Variants in PCDHGB1 observed in about 807,000 individuals in gnomAD.
PCDHGB1 encodes the protein protocadherin gamma subfamily B, 1, also known as protocadherin gamma-B1.
A neutral mutation model predicts 56.6 loss-of-function variants in PCDHGB1; 34 were observed. The observed-to-expected ratio is 0.60, with a 90% CI of 0.46 to 0.80. The LOEUF (loss-of-function observed/expected upper bound fraction) is 0.80. Among genes scored for constraint, PCDHGB1 ranks in the 30% least tolerant of loss-of-function variants. The pLI, the probability that PCDHGB1 is intolerant of heterozygous loss-of-function variation, is 0.00. For missense variants in PCDHGB1, 1,278 were observed against 1,204.6 expected (o/e 1.06, Z -0.90); for synonymous variants, 561 against 505.9 (o/e 1.11, Z -1.46).
chr5:141,511,118 C>T lies in PCDHGB1; in HGVS notation c.2729C>T (p.Ala910Val), dbSNP rs1352222210. 1.2e-6 allele frequency: 2 copies of T among 1,614,094 alleles called. No individual in the cohort carries two copies. The highest frequency in any genetic ancestry group is 1.7e-6 in the Non-Finnish European group (2 of 1,180,022). The change falls in exon 4 of 4, where the codon GCC (alanine) becomes GTC (valine). Residue 910 changes from alanine to valine, a missense_variant. Coordinates refer to ENST00000523390, the MANE Select transcript of PCDHGB1 (RefSeq NM_018922.3). ...GCAGCTGGCAAGCGGGATGGCAAGG[C>T]CCCAGCAGGTGGCAATGGCAACAAG... is the stretch of plus-strand genomic sequence containing the variant. ...TNAAGKRDGK[A>V]PAGGNGNKKK... is the part of the protein sequence containing the mutation.
In PCDHGB1 at chr5:141,364,376, C is replaced by T. The variant is rs574883395; in HGVS notation, c.2409+11707C>T. 8.9e-6 allele frequency: 14 copies of T among 1,575,320 alleles called. No individual in the cohort carries two copies. The African/African-American group carries it at 1.4e-4, about 15-fold the overall frequency. ...CTGGGGCTGCGGAGAGCTGCTGCTG[C>T]CCTTCATGCTCCTGGGGACGCTGTG... On this transcript the variant is annotated intron_variant, in intron 1 of 3. Transcript: ENST00000523390.
intron 3 of PCDHGB1, among the ~76,000 whole-genome samples, chr5:141,510,354 G>A (rs1311482557): frequency 2.1e-5 from 3 of 146,300 alleles, no homozygotes; most frequent in Non-Finnish European, 4.5e-5. Flanking sequence ...ACTTACTAAC[G>A]GAACTACCGA....
chr5:141,432,378 C>A lies in PCDHGB1; in HGVS notation c.2410-62429C>A. On this transcript the variant is annotated intron_variant, in intron 1 of 3. Coordinates refer to ENST00000523390, the MANE Select transcript of PCDHGB1 (RefSeq NM_018922.3). This position sits in a 1 kb window ranked among gnomAD's most constrained non-coding sequence, Gnocchi z 6.0. ...GTGATGGCGCGGGACAACGGGCACC[C>A]GCCCCTCAGCAGCAACGTGTCGTTG... 6.2e-7 allele frequency: 1 copy of A among 1,614,234 alleles called. No individual in the cohort carries two copies. Among genetic ancestry groups the A allele is most frequent in the South Asian group, 1.1e-5 (1 of 91,082 alleles).
rs186292704 is a variant in PCDHGB1 at position 141,490,783 on chromosome 5, C to T, written c.2410-4024C>T. ...TGTGTATGTCAACCCAGAGGATGGA[C>T]GGATCTTTGCCCAGCGTACCTTTGA... On this transcript the variant is annotated intron_variant, in intron 1 of 3. Transcript: ENST00000523390. The surrounding 1 kb of genome is among the most constrained non-coding windows in gnomAD (Gnocchi z 5.4). The T allele has an allele frequency of 8.1e-6, 13 of 1,614,024 alleles. 1 individual carries two copies. Among genetic ancestry groups the T allele is most frequent in the Middle Eastern group, 3.3e-4 (2 of 6,062 alleles).
chr5:141,485,374 T>A lies in PCDHGB1; in HGVS notation c.2410-9433T>A. Reference sequence around the variant, plus strand: ...TGTCAGCTCGCAGGCTGCAGGTCGCTGGAGAGGTGAACCAAAGACACTTCC... The same window carrying A: ...TGTCAGCTCGCAGGCTGCAGGTCGCAGGAGAGGTGAACCAAAGACACTTCC... On this transcript the variant is annotated intron_variant, in intron 1 of 3. Coordinates refer to ENST00000523390, the MANE Select transcript of PCDHGB1 (RefSeq NM_018922.3). The surrounding 1 kb of genome is among the most constrained non-coding windows in gnomAD (Gnocchi z 5.7). The A allele has an allele frequency of 1.2e-6, 2 of 1,614,082 alleles. No homozygotes were observed. Among genetic ancestry groups the A allele is most frequent in the Non-Finnish European group, 1.7e-6 (2 of 1,179,998 alleles).
intron 1 of PCDHGB1, among the ~76,000 whole-genome samples, chr5:141,425,338 G>A (rs561085111): frequency 6.6e-6 from 1 of 152,290 alleles, no homozygotes; most frequent in African/African-American, 2.4e-5. Flanking sequence ...AAAAGGAAGG[G>A]TTGGCTTTGA....
At chr5:141,482,205 C>T (rs1478729653) in intron 1 of PCDHGB1, among the ~76,000 whole-genome samples, 1 of 151,896 alleles carries the variant, frequency 6.6e-6, no homozygotes, top group Non-Finnish European at 1.5e-5. Context: ...TAAAACAGAC[C>T]AGGTACTTGT....
rs2099413641 is a variant in PCDHGB1, at chr5:141,477,586, T to C, written c.2410-17221T>C. The C allele has an allele frequency of 1.9e-6, 3 of 1,614,022 alleles. No individual in the cohort carries two copies. The highest frequency in any genetic ancestry group is 2.5e-6 in the Non-Finnish European group (3 of 1,180,036). On this transcript the variant is annotated intron_variant, in intron 1 of 3. Transcript: ENST00000523390. This position sits in a 1 kb window ranked among gnomAD's most constrained non-coding sequence, Gnocchi z 4.9. ...GGGACCCCGACGCCCCGCAGAATGC[T>C]CGGCTTTCTTTCTTTCTCTTGGAGC... is the stretch of plus-strand genomic sequence containing the variant.
chr5:141,469,697 T>G (rs2154570403), intron 1 of PCDHGB1, among the ~76,000 whole-genome samples: 1 of 152,392 alleles, frequency 6.6e-6, no homozygotes, highest in African/African-American at 2.4e-5. Context: ...TCCTATGACC[T>G]AGTAATCACA....
intron 1 of PCDHGB1, among the ~76,000 whole-genome samples, chr5:141,425,864 A>T (rs2096899427): frequency 6.6e-6 from 1 of 152,254 alleles, no homozygotes; most frequent in African/African-American, 2.4e-5. Flanking sequence ...TGTTCTATAG[A>T]TTCCCATCTC....
chr5:141,491,800 C>T lies in PCDHGB1; in HGVS notation c.2410-3007C>T. The T allele has an allele frequency of 6.7e-7, 1 of 1,500,854 alleles. No individual in the cohort carries two copies. Among genetic ancestry groups the T allele is most frequent in the Non-Finnish European group, 8.9e-7 (1 of 1,125,316 alleles). 93.0% of individuals were successfully genotyped at this position (1,500,854 alleles called of 1,614,324 possible). A position where few individuals can be genotyped will look rare whatever the true frequency, so the allele number is the denominator to read the frequency against. Reference sequence around the variant, plus strand: ...GAACTTGCATCCACTCCTCTCCGGCCGGCTTGGTCGCTGGCTGCGCTCCAC... The same window carrying T: ...GAACTTGCATCCACTCCTCTCCGGCTGGCTTGGTCGCTGGCTGCGCTCCAC... On this transcript the variant is annotated intron_variant, in intron 1 of 3. Transcript: ENST00000523390. The surrounding 1 kb of genome is among the most constrained non-coding windows in gnomAD (Gnocchi z 6.9).
Position 141,485,210 on chromosome 5 carries a change from C to T in PCDHGB1, c.2410-9597C>T, listed in dbSNP as rs2099609472. 1.2e-6 allele frequency: 2 copies of T among 1,614,058 alleles called. No individual in the cohort carries two copies. The highest frequency in any genetic ancestry group is 1.3e-5 in the African/African-American group (1 of 75,046). ...GGTGAGAAGCTGGACAGAAATCTGG[C>T]GGTGGGCTACCCTTTTGTTCCTCTT... On this transcript the variant is annotated intron_variant, in intron 1 of 3. Coordinates refer to ENST00000523390, the MANE Select transcript of PCDHGB1 (RefSeq NM_018922.3). The surrounding 1 kb of genome is among the most constrained non-coding windows in gnomAD (Gnocchi z 5.7).
At chr5:141,429,925 A>G (rs1009987955) in intron 1 of PCDHGB1, among the ~76,000 whole-genome samples, 5 of 152,244 alleles carry the variant, frequency 3.3e-5, no homozygotes, top group African/African-American at 1.2e-4. Flanking sequence ...TATTAATAGA[A>G]TTCTGGAGTA....
In PCDHGB1 at chr5:141,490,081, T is replaced by A; in HGVS notation, c.2410-4726T>A. Reference sequence around the variant, plus strand: ...CACCAACGGCCAACTAGACTATTCTTTTGGAGACCACACATCTGAGGCAGT... The same window carrying A: ...CACCAACGGCCAACTAGACTATTCTATTGGAGACCACACATCTGAGGCAGT... On this transcript the variant is annotated intron_variant, in intron 1 of 3. Coordinates refer to ENST00000523390, the MANE Select transcript of PCDHGB1 (RefSeq NM_018922.3). The surrounding 1 kb of genome is among the most constrained non-coding windows in gnomAD (Gnocchi z 5.4). 3 of 1,614,216 alleles carry A rather than the reference T, an allele frequency of 1.9e-6. No homozygotes were observed. Among genetic ancestry groups the A allele is most frequent in the Non-Finnish European group, 2.5e-6 (3 of 1,180,040 alleles).
intron 2 of PCDHGB1, 36 bp from the exon 3 acceptor site, chr5:141,505,357 T>A (rs1026098450): frequency 6.2e-7 from 1 of 1,613,762 alleles, no homozygotes; most frequent in African/African-American, 1.3e-5. Context: ...TGTGCCGGCC[T>A]GGGAGTCTGT....
Position 141,352,305 on chromosome 5 carries a change from C to A in PCDHGB1, c.2045C>A (p.Thr682Lys). Reference protein sequence around the residue: ...SDRPEPSDPQTELQFYLVVAL... With the variant: ...SDRPEPSDPQKELQFYLVVAL... ...CGCCCTGAGCCCTCTGACCCCCAGA[C>A]GGAACTGCAGTTTTACCTGGTTGTG... is the stretch of plus-strand genomic sequence containing the variant. The change falls in exon 1 of 4, where the codon ACG (threonine) becomes AAG (lysine). Residue 682 changes from threonine (T) to lysine (K), a missense_variant. Coordinates refer to ENST00000523390, the MANE Select transcript of PCDHGB1 (RefSeq NM_018922.3). The A allele has an allele frequency of 1.9e-6, 3 of 1,614,070 alleles. No homozygotes were observed. The highest frequency in any genetic ancestry group is 2.2e-5 in the East Asian group (1 of 44,878).
intron 1 of PCDHGB1, among the ~76,000 whole-genome samples, chr5:141,461,046 G>A (rs984653754): frequency 6.6e-6 from 1 of 151,578 alleles, no homozygotes; most frequent in Non-Finnish European, 1.5e-5. Context: ...AGTCGATGGG[G>A]ACTTAGGTTG....
Position 141,432,581 on chromosome 5 carries a change from C to T in PCDHGB1, c.2410-62226C>T. 6.2e-7 allele frequency: 1 copy of T among 1,613,930 alleles called. No homozygotes were observed. The highest frequency in any genetic ancestry group is 8.5e-7 in the Non-Finnish European group (1 of 1,179,974). On this transcript the variant is annotated intron_variant, in intron 1 of 3. Coordinates refer to ENST00000523390, the MANE Select transcript of PCDHGB1 (RefSeq NM_018922.3). The surrounding 1 kb of genome is among the most constrained non-coding windows in gnomAD (Gnocchi z 6.0). ...CCAGAACGCCTGGCTGTCCTACCGT[C>T]TGCTCAAGGCCAGCGAGCCGGGACT...
In PCDHGB1 at chr5:141,438,090, A is replaced by G. The variant is rs560861677; in HGVS notation, c.2410-56717A>G. 1.2e-4 allele frequency among the ~76,000 whole-genome samples: 18 copies of G among 152,310 alleles called. No individual in the cohort carries two copies. In the South Asian group the frequency reaches 3.5e-3, roughly 30 times the overall value. ...CATACTTAATGGAAAATTACCAGTA[A>G]CAGGGCATACTGTTTAGGATGCATT... On this transcript the variant is annotated intron_variant, in intron 1 of 3. Coordinates refer to ENST00000523390, the MANE Select transcript of PCDHGB1 (RefSeq NM_018922.3).
Sources: gnomAD v4.1 joint callset for allele counts (sites outside exome capture counted in the v4.1 genomes callset) on GRCh38, gnomAD v4.1.1 for gene constraint, Gnocchi (gnomAD v3.1) non-coding constraint, MANE v1.5 for transcripts, NCBI Gene and HGNC (gene_info 2026-07-23, HGNC 2026-07-21) for gene names.